The following FLNB variants were observed in gnomAD, a reference collection of about 807,000 sequenced individuals.
FLNB encodes the protein filamin B.
In FLNB, 111 loss-of-function variants were observed where a neutral mutation model predicts 250.6. That is an observed-to-expected ratio of 0.44 (90% confidence interval 0.38 to 0.52). The LOEUF is 0.52. FLNB is among the 20% of genes least tolerant of loss of function. The pLI is 0.00. For synonymous variants in FLNB, 1,302 were observed against 1,372.1 expected (o/e 0.95, Z 1.13); for missense variants, 2,869 against 3,447.8 (o/e 0.83, Z 4.20).
chr3:58,100,738 G>T (rs2097249658), intron 8 of FLNB, among the ~76,000 whole-genome samples: 1 of 151,742 alleles, frequency 6.6e-6, no homozygotes, highest in African/African-American at 2.4e-5. Flanking sequence ...TGGGACTACA[G>T]GTGCACACCA....
In FLNB at chr3:58,169,187, A is replaced by G. The variant is rs576967666; in HGVS notation, c.7418-403A>G. The stretch of plus-strand genomic sequence containing the variant: ...AAAATTAGAAAATTCAGATAGAAAA[A>G]TCATCCTTTCTCATCCACAGAATCA... On this transcript the variant is annotated intron_variant, in intron 44 of 45. Transcript: ENST00000295956. The surrounding 1 kb of genome is among the most constrained non-coding windows in gnomAD (Gnocchi z 4.8). 22 of 273,724 alleles carry G rather than the reference A, an allele frequency of 8.0e-5. No homozygotes were observed. The East Asian group carries it at 2.0e-3, about 25-fold the overall frequency. The allele number at this position is 273,724 out of a possible 1,614,324, so 17.0% of individuals were successfully genotyped here.
At chr3:58,026,123 G>C (rs1352249273) in intron 1 of FLNB, among the ~76,000 whole-genome samples, 1 of 152,190 alleles carries the variant, frequency 6.6e-6, no homozygotes, top group Non-Finnish European at 1.5e-5. Context: ...AAGTCTTCAC[G>C]TTAATGCCAT....
At chr3:58,019,463 T>G (rs2097110558) in intron 1 of FLNB, among the ~76,000 whole-genome samples, 1 of 152,196 alleles carries the variant, frequency 6.6e-6, no homozygotes, top group Admixed American at 6.5e-5. Flanking sequence ...AGCCTCTGCC[T>G]CTTTCTTTTA....
At position 58,108,548 on chromosome 3, in the gene FLNB, G is replaced by T; in HGVS notation, c.2032G>T (p.Ala678Ser). 1 of 1,613,510 alleles carries T rather than the reference G, an allele frequency of 6.2e-7. No individual in the cohort carries two copies. Reference protein sequence around the residue: ...FTVDPKDAGKAPLKIFAQDGE... With the variant: ...FTVDPKDAGKSPLKIFAQDGE... ...TGTGGATCCTAAGGATGCTGGAAAA[G>T]CTCCCTTAAAGATATTTGCTCAGGT... The change falls in exon 13 of 46, where the codon GCT becomes TCT. Residue 678 changes from alanine to serine, a missense_variant. By Grantham distance (99) the Ala-to-Ser change is moderately conservative (BLOSUM62 1). Transcript: ENST00000295956.
At chr3:58,038,329 T>C (rs1309238039) in intron 1 of FLNB, among the ~76,000 whole-genome samples, 1 of 152,166 alleles carries the variant, frequency 6.6e-6, no homozygotes, top group Non-Finnish European at 1.5e-5. Context: ...ATGCTCGGCC[T>C]GTTCTTATTG....
At chr3:58,064,400 G>A (rs2097182556) in intron 1 of FLNB, among the ~76,000 whole-genome samples, 2 of 152,124 alleles carry the variant, frequency 1.3e-5, no homozygotes, top group African/African-American at 4.8e-5. Flanking sequence ...GATTTCAGGT[G>A]ATCTACCTGC....
intron 1 of FLNB, among the ~76,000 whole-genome samples, chr3:58,062,517 C>A (rs1173853560): frequency 5.9e-5 from 9 of 152,170 alleles, no homozygotes; most frequent in Non-Finnish European, 1.5e-5. Flanking sequence ...TCAAAACCTC[C>A]CCCACCTCCC....
chr3:58,146,750 G>A, intron 33 of FLNB, 70 bp from the exon 34 acceptor site: 1 of 1,560,556 alleles, frequency 6.4e-7, no homozygotes, highest in Admixed American at 1.7e-5. Context: ...TGGATGAGTT[G>A]TTAAAAGGAA....
chr3:58,049,950 G>A (rs1214630052), intron 1 of FLNB, among the ~76,000 whole-genome samples: 1 of 152,124 alleles, frequency 6.6e-6, no homozygotes, highest in Non-Finnish European at 1.5e-5. Flanking sequence ...TGGGGGCAGA[G>A]GAGGGTCTTC....
intron 1 of FLNB, among the ~76,000 whole-genome samples, chr3:58,053,463 T>C (rs887730280): frequency 6.6e-6 from 1 of 151,998 alleles, no homozygotes; most frequent in Non-Finnish European, 1.5e-5. Context: ...AAACAAAACA[T>C]TTATTTATTT....
Position 58,159,658 on chromosome 3 carries a change from G to C in FLNB, c.6993G>C (p.Glu2331Asp). 1 of 1,613,886 alleles carries C rather than the reference G, an allele frequency of 6.2e-7. No homozygotes were observed. Among genetic ancestry groups the C allele is most frequent in the Non-Finnish European group, 8.5e-7 (1 of 1,180,016 alleles). Residue 2331 changes from glutamate (E) to aspartate (D), a missense_variant, in exon 42 of 46, where the codon GAG becomes GAC. By Grantham distance (45) the Glu-to-Asp change is conservative. This residue lies in a region of FLNB where 1,084 missense variants were observed against 1,315.5 expected (regional missense o/e 0.82). Transcript: ENST00000295956. Reference protein sequence around the residue: ...AKVHSPSGAVEECHVSELEPD... With the variant: ...AKVHSPSGAVDECHVSELEPD... The stretch of plus-strand genomic sequence containing the variant: ...TGCACAGCCCCTCTGGAGCCGTGGA[G>C]GAGTGCCACGTGTCTGAGCTGGAGC...
chr3:58,054,638 A>G (rs1488716536), intron 1 of FLNB, among the ~76,000 whole-genome samples: 1 of 152,194 alleles, frequency 6.6e-6, no homozygotes, highest in African/African-American at 2.4e-5. Context: ...TTGTGAGAAC[A>G]GCAGCATGGG....
Position 58,123,291 on chromosome 3 carries a change from G to A in FLNB, c.3325G>A (p.Val1109Ile), listed in dbSNP as rs200947960. ...TCCCACAAAACCCGGGGAGTACTTC[G>A]TCAACATCCTCTTTGAAGAAGTCCA... ...YLPTKPGEYF[V>I]NILFEEVHIP... is the part of the protein sequence containing the mutation. The change falls in exon 21 of 46, where the codon GTC (valine) becomes ATC (isoleucine). Residue 1109 changes from valine to isoleucine, a missense_variant. Transcript: ENST00000295956. The A allele has an allele frequency of 3.3e-5, 53 of 1,614,000 alleles. No individual in the cohort carries two copies. The highest frequency in any genetic ancestry group is 5.0e-5 in the Admixed American group (3 of 59,978).
At chr3:58,128,938 G>A (rs1381860472) in intron 24 of FLNB, among the ~76,000 whole-genome samples, 2 of 152,162 alleles carry the variant, frequency 1.3e-5, no homozygotes, top group African/African-American at 4.8e-5. Context: ...GGCTTTTCCA[G>A]AACCCCAGAA....
chr3:58,141,324 T>C (rs1256673138), intron 29 of FLNB, among the ~76,000 whole-genome samples: 1 of 152,222 alleles, frequency 6.6e-6, no homozygotes, highest in Non-Finnish European at 1.5e-5. Context: ...GATTCTGTGC[T>C]GCAGAGATGC....
chr3:58,008,816 C>G lies in FLNB; in HGVS notation c.252C>G (p.Leu84=). Residue 84 remains leucine (L), a synonymous_variant, in exon 1 of 46, where the codon CTC becomes CTG. Transcript: ENST00000295956. ...QMQLENVSVA[L]EFLDRESIKL... is the part of the protein sequence containing the mutation. ...AGCTCGAGAATGTGTCCGTGGCGCT[C>G]GAGTTCCTGGACCGTGAGAGCATCA... 1.2e-6 allele frequency: 2 copies of G among 1,613,906 alleles called. No individual in the cohort carries two copies. The highest frequency in any genetic ancestry group is 1.7e-6 in the Non-Finnish European group (2 of 1,179,970).
At chr3:58,094,999 C>G (rs770671839) in intron 5 of FLNB, 45 bp downstream of exon 5, 2 of 1,436,816 alleles carry the variant, frequency 1.4e-6, no homozygotes, top group Non-Finnish European at 2.0e-6. Context: ...CCTCATGGAG[C>G]TTTTGGGGCT....
chr3:58,163,142 T>G lies in FLNB; in HGVS notation c.7022-12T>G. On this transcript the variant is annotated splice_polypyrimidine_tract_variant and intron_variant, in intron 42 of 45. Coordinates refer to ENST00000295956, the MANE Select transcript of FLNB (RefSeq NM_001457.4). ...GCTTGATTTCACCCTGTGCCTTTGC[T>G]CATTCTCCTAGATAAGTATGCTGTT... 1.9e-6 allele frequency: 3 copies of G among 1,613,964 alleles called. No individual in the cohort carries two copies. The highest frequency in any genetic ancestry group is 2.5e-6 in the Non-Finnish European group (3 of 1,179,842).
In FLNB at chr3:58,105,204, G is replaced by A; in HGVS notation, c.1735G>A (p.Val579Met). ...CGTGGTAGAATCCATTGGCTCTGAA[G>A]TGGGGTCTCTGGGTAAGTGGACACA... ...DFVVESIGSE[V>M]GSLGFAIEGP... The change falls in exon 11 of 46, where the codon GTG becomes ATG. Residue 579 changes from valine (V) to methionine (M), a missense_variant. Coordinates refer to ENST00000295956, the MANE Select transcript of FLNB (RefSeq NM_001457.4). 1.2e-6 allele frequency: 2 copies of A among 1,614,200 alleles called. No homozygotes were observed. The highest frequency in any genetic ancestry group is 1.7e-6 in the Non-Finnish European group (2 of 1,180,026).
Sources: allele counts gnomAD v4.1 joint callset (sites outside exome capture counted in the v4.1 genomes callset), GRCh38; gene constraint gnomAD v4.1.1; regional missense constraint gnomAD v4.1.1; non-coding constraint Gnocchi (gnomAD v3.1); transcripts MANE v1.5; gene names NCBI Gene and HGNC (gene_info 2026-07-23, HGNC 2026-07-21).